The following BCAN variants were observed in gnomAD, a reference collection of about 807,000 sequenced individuals.
BCAN encodes brevican core protein.
BCAN carries 51 observed loss-of-function variants against 92.4 expected under a neutral mutation model. The observed-to-expected ratio is 0.55, with a 90% CI of 0.44 to 0.70. The LOEUF (loss-of-function observed/expected upper bound fraction) is 0.70. BCAN is among the 30% of genes least tolerant of loss of function. The pLI is 0.00. For missense variants in BCAN, 1,140 were observed against 1,212.1 expected (o/e 0.94, Z 0.88); for synonymous variants, 501 against 505.2 (o/e 0.99, Z 0.11).
intron 10 of BCAN, 56 bp downstream of exon 10, chr1:156,657,152 A>T: frequency 6.3e-7 from 1 of 1,584,126 alleles, no homozygotes; most frequent in Non-Finnish European, 8.6e-7. Context: ...ACTCTCTCTC[A>T]CTCGCCTAAC....
chr1:156,657,643 G>A (rs773580981), intron 10 of BCAN, 32 bp from the exon 11 acceptor site: 1 of 1,575,292 alleles, frequency 6.3e-7, no homozygotes, highest in Non-Finnish European at 8.6e-7. Context: ...TCTGCTGGCG[G>A]CTGCGCTCAC....
rs895641866 is a variant in BCAN, at chr1:156,642,982, G to C, written c.-9+707G>C. 1 of 152,200 alleles carries C rather than the reference G, an allele frequency of 6.6e-6. No homozygotes were observed. Among genetic ancestry groups the C allele is most frequent in the African/African-American group, 2.4e-5 (1 of 41,442 alleles). The allele number at this position is 152,200 out of a possible 1,614,324, so 9.4% of individuals were successfully genotyped here. On this transcript the variant is annotated intron_variant, in intron 1 of 13. Coordinates refer to ENST00000329117, the MANE Select transcript of BCAN (RefSeq NM_021948.5). The surrounding 1 kb of genome is among the most constrained non-coding windows in gnomAD (Gnocchi z 4.2). ...GTTACCACTATTGCATTCCTTCCTA[G>C]CACTGCCAGGGGCCTGGGAATTCCC...
At position 156,651,491 on chromosome 1, in the gene BCAN, A is replaced by G; in HGVS notation, c.1099A>G (p.Asn367Asp). Reference protein sequence around the residue: ...AQPSAIPEASNPASNPASDGL... With the variant: ...AQPSAIPEASDPASNPASDGL... ...GCCTTCTGCCATCCCTGAGGCCTCC[A>G]ACCCAGCCTCCAACCCAGCCTCTGA... The change falls in exon 7 of 14, where the codon AAC becomes GAC. Residue 367 changes from asparagine (N) to aspartate (D), a missense_variant. By Grantham distance (23) the Asn-to-Asp change is conservative. Transcript: ENST00000329117. 5 of 1,613,294 alleles carry G rather than the reference A, an allele frequency of 3.1e-6. No individual in the cohort carries two copies. The highest frequency in any genetic ancestry group is 4.2e-6 in the Non-Finnish European group (5 of 1,179,512).
intron 7 of BCAN, 144 bp from the exon 8 acceptor site, chr1:156,652,104 C>A (rs1385318383): frequency 1.8e-6 from 2 of 1,115,488 alleles, no homozygotes. Flanking sequence ...CAGTGTGGCG[C>A]AAGGACCACC....
At chr1:156,650,303 C>T (rs1679118737) in intron 6 of BCAN, among the ~76,000 whole-genome samples, 1 of 152,056 alleles carries the variant, frequency 6.6e-6, no homozygotes, top group African/African-American at 2.4e-5. Context: ...TGGTGGAGGA[C>T]ACAGGCAGCA....
Position 156,658,656 on chromosome 1 carries a change from C to A in BCAN, c.2551C>A (p.Arg851Ser), listed in dbSNP as rs749535108. Residue 851 changes from arginine (R) to serine (S), a missense_variant, in exon 13 of 14, where the codon CGC (arginine) becomes AGC (serine). Around this residue, in one of 3 missense-constraint regions of BCAN, gnomAD observed 825 missense variants for 871.8 expected, o/e 0.95. Transcript: ENST00000329117. The surrounding 1 kb of genome is among the most constrained non-coding windows in gnomAD (Gnocchi z 4.4). ...RYRCREGLAQ[R>S]NLPLIRCQEN... is the part of the protein sequence containing the mutation. ...CCGGTGCCGGGAAGGACTGGCCCAGCGCAATCTGCCGCTGATCCGATGCCA... is the reference window on the plus strand; with the variant it reads ...CCGGTGCCGGGAAGGACTGGCCCAGAGCAATCTGCCGCTGATCCGATGCCA... 33 of 1,614,034 alleles carry A rather than the reference C, an allele frequency of 2.0e-5. No individual in the cohort carries two copies. In the East Asian group the frequency reaches 3.6e-4, roughly 17 times the overall value.
chr1:156,656,741 G>A (rs904446632), intron 9 of BCAN, 197 bp from the exon 10 acceptor site: 9 of 689,386 alleles, frequency 1.3e-5, no homozygotes, highest in Non-Finnish European at 1.9e-5. Flanking sequence ...CTTAGAAAAG[G>A]CACCAGCGCC....
Position 156,652,498 on chromosome 1 carries a change from G to A in BCAN, c.1548G>A (p.Gln516=), listed in dbSNP as rs1399671953. Reference sequence around the variant, plus strand: ...AGGCGCCAGCAAGGGCAGTCCTGCAGCCTGGTGCATCACCACTTCCTGATG... The same window carrying A: ...AGGCGCCAGCAAGGGCAGTCCTGCAACCTGGTGCATCACCACTTCCTGATG... ...LSQAPARAVL[Q]PGASPLPDGE... The change falls in exon 8 of 14, where the codon CAG becomes CAA. Residue 516 remains glutamine, a synonymous_variant. Coordinates refer to ENST00000329117, the MANE Select transcript of BCAN (RefSeq NM_021948.5). The A allele has an allele frequency of 6.2e-7, 1 of 1,609,516 alleles. No individual in the cohort carries two copies. Among genetic ancestry groups the A allele is most frequent in the African/African-American group, 1.3e-5 (1 of 74,900 alleles).
intron 2 of BCAN, 160 bp from the exon 3 acceptor site, chr1:156,646,641 G>A (rs975129658): frequency 1.5e-5 from 19 of 1,249,792 alleles, no homozygotes; most frequent in Non-Finnish European, 2.0e-5. Context: ...CTAGAGGTAG[G>A]GCTGCAGGAC....
chr1:156,650,355 G>A (rs1174640587), intron 6 of BCAN, among the ~76,000 whole-genome samples: 1 of 152,132 alleles, frequency 6.6e-6, no homozygotes, highest in Non-Finnish European at 1.5e-5. Context: ...ACTGGAGCAG[G>A]TGATGAGGGC....
chr1:156,653,044 G>T, intron 8 of BCAN, 152 bp downstream of exon 8: 1 of 1,497,074 alleles, frequency 6.7e-7, no homozygotes, highest in Non-Finnish European at 8.9e-7. Flanking sequence ...TCTACCTATG[G>T]GTCTCCAATC....
rs1679429778 is a variant in BCAN at position 156,658,835 on chromosome 1, G to A, written c.2628+102G>A. ...CTGTCACTGGCCATGTGACCTTGGAGCCATCACTGCCCCTCTCTGAGGCAA... is the reference window on the plus strand; with the variant it reads ...CTGTCACTGGCCATGTGACCTTGGAACCATCACTGCCCCTCTCTGAGGCAA... On this transcript the variant is annotated intron_variant, in intron 13 of 13. Transcript: ENST00000329117. The surrounding 1 kb of genome is among the most constrained non-coding windows in gnomAD (Gnocchi z 4.4). The A allele has an allele frequency of 4.0e-6, 6 of 1,515,082 alleles. No homozygotes were observed. Among genetic ancestry groups the A allele is most frequent in the Non-Finnish European group, 3.6e-6 (4 of 1,108,166 alleles). 93.9% of individuals were successfully genotyped at this position (1,515,082 alleles called of 1,614,324 possible).
chr1:156,654,756 C>T (rs532003374), intron 8 of BCAN, among the ~76,000 whole-genome samples: 25 of 152,254 alleles, frequency 1.6e-4, no homozygotes, highest in African/African-American at 4.1e-4. Flanking sequence ...GAGGGGAGTT[C>T]AGAATTCTAC....
Position 156,659,467 on chromosome 1 carries a change from G to A in BCAN, c.*333G>A. ...CTTTCTGGGTTTTCCAAGGGAATGG[G>A]CTTGCAGGATGGAGTGTCTGTAAAA... is the stretch of plus-strand genomic sequence containing the variant. On this transcript the variant is annotated 3_prime_UTR_variant, in exon 14 of 14. Transcript: ENST00000329117. The A allele has an allele frequency of 3.2e-6, 1 of 307,786 alleles. No individual in the cohort carries two copies. The highest frequency in any genetic ancestry group is 5.9e-6 in the Non-Finnish European group (1 of 168,810). The allele number at this position is 307,786 out of a possible 1,614,324, so 19.1% of individuals were successfully genotyped here.
At chr1:156,656,456 G>T (rs1029964380) in intron 9 of BCAN, 67 bp downstream of exon 9, 9 of 1,204,838 alleles carry the variant, frequency 7.5e-6, no homozygotes, top group Middle Eastern at 2.1e-4. Context: ...ACTTCTGGAG[G>T]GGGGAGGGAG....
At position 156,658,350 on chromosome 1, in the gene BCAN, C is replaced by T. The variant is rs1386229491; in HGVS notation, c.2437+79C>T. 4 of 1,561,476 alleles carry T rather than the reference C, an allele frequency of 2.6e-6. No individual in the cohort carries two copies. The highest frequency in any genetic ancestry group is 3.5e-6 in the Non-Finnish European group (4 of 1,148,864). On this transcript the variant is annotated intron_variant, in intron 12 of 13. Transcript: ENST00000329117. This position sits in a 1 kb window ranked among gnomAD's most constrained non-coding sequence, Gnocchi z 4.4. ...GACCAGAGGGACTGATGTTTGTAGA[C>T]AGAGAGTGCAAAGCAACATAGAGGA...
chr1:156,647,911 T>C lies in BCAN; in HGVS notation c.642-72T>C. ...GTCTGCACTGTGGTGGCAGTGGGGTTCAATAGAATCAATATGGGCTGGCTC... is the reference window on the plus strand; with the variant it reads ...GTCTGCACTGTGGTGGCAGTGGGGTCCAATAGAATCAATATGGGCTGGCTC... On this transcript the variant is annotated intron_variant, in intron 4 of 13. Transcript: ENST00000329117. This position sits in a 1 kb window ranked among gnomAD's most constrained non-coding sequence, Gnocchi z 4.8. The C allele has an allele frequency of 1.3e-6, 2 of 1,599,840 alleles. No homozygotes were observed. The highest frequency in any genetic ancestry group is 1.7e-6 in the Non-Finnish European group (2 of 1,167,570).
chr1:156,658,767 G>A lies in BCAN; in HGVS notation c.2628+34G>A, dbSNP rs1302653529. ...CAGGAAGAGGCAGGTGGGAGTGGGA[G>A]ACAGTAGCCAACAGTAGCCTTGGAC... On this transcript the variant is annotated intron_variant, in intron 13 of 13. Transcript: ENST00000329117. The surrounding 1 kb of genome is among the most constrained non-coding windows in gnomAD (Gnocchi z 4.4). The A allele has an allele frequency of 1.1e-5, 17 of 1,612,488 alleles. No individual in the cohort carries two copies. The highest frequency in any genetic ancestry group is 1.4e-5 in the Non-Finnish European group (17 of 1,179,132).
At chr1:156,646,444 A>T in intron 2 of BCAN, 1 of 498,066 alleles carries the variant, frequency 2.0e-6, no homozygotes, top group Non-Finnish European at 3.5e-6. Context: ...GAGGCCCTAA[A>T]GGGAGCAGAC....
Sources: allele counts gnomAD v4.1 joint callset (sites outside exome capture counted in the v4.1 genomes callset), GRCh38; gene constraint gnomAD v4.1.1; regional missense constraint gnomAD v4.1.1; non-coding constraint Gnocchi (gnomAD v3.1); transcripts MANE v1.5; gene names NCBI Gene and HGNC (gene_info 2026-07-23, HGNC 2026-07-21).